LIMA1: variants seen among roughly 807,000 people sequenced by gnomAD.
LIMA1 encodes LIM domain and actin binding 1, also known as LIM domain and actin-binding protein 1.
A neutral mutation model predicts 62.6 loss-of-function variants in LIMA1; 52 were observed. That is an observed-to-expected ratio of 0.83 (90% CI 0.67 to 1.05). The LOEUF (loss-of-function observed/expected upper bound fraction) is 1.05, where lower values mean the gene tolerates loss of function less well. LIMA1 is among the 50% of genes least tolerant of loss of function. The probability of loss-of-function intolerance (pLI) is 0.00; values close to 1 mark genes in which losing one functional copy is unlikely to be tolerated. For missense variants in LIMA1, 780 were observed against 902.2 expected (o/e 0.86, Z 1.74); for synonymous variants, 302 against 317.8 (o/e 0.95, Z 0.53).
intron 10 of LIMA1, among the ~76,000 whole-genome samples, chr12:50,178,607 T>C (rs1940410651): frequency 6.6e-6 from 1 of 151,748 alleles, no homozygotes; most frequent in South Asian, 2.1e-4. Flanking sequence ...GGAATGTGGC[T>C]ATGCAACCTG....
At position 50,181,945 on chromosome 12, in the gene LIMA1, G is replaced by A; in HGVS notation, c.1233C>T (p.His411=). 1 of 1,614,012 alleles carries A rather than the reference G, an allele frequency of 6.2e-7. No homozygotes were observed. The highest frequency in any genetic ancestry group is 8.5e-7 in the Non-Finnish European group (1 of 1,180,034). The change falls in exon 10 of 11, where the codon CAC becomes CAT. Residue 411 remains histidine (H), a synonymous_variant. Transcript: ENST00000341247. ...AATAGGAGCAACGGAAGCAGCTGAT[G>A]TGAAACACCTGCTGGTTGGCCAAGA... ...ERLLANQQVF[H]ISCFRCSYCN...
At chr12:50,274,267 C>A (rs185453562) in intron 1 of LIMA1, among the ~76,000 whole-genome samples, 57 of 152,028 alleles carry the variant, frequency 3.7e-4, no homozygotes, top group Admixed American at 1.7e-3. Context: ...GGCAGTATTC[C>A]AAGTGCTGAA....
intron 1 of LIMA1, among the ~76,000 whole-genome samples, chr12:50,270,099 T>C (rs1440598633): frequency 6.7e-6 from 1 of 150,336 alleles, no homozygotes; most frequent in Non-Finnish European, 1.5e-5. Flanking sequence ...CCAGGTGTGG[T>C]AGCACGTGCC....
intron 5 of LIMA1, 137 bp downstream of exon 5, chr12:50,205,847 T>C (rs1405436771): frequency 4.7e-6 from 2 of 421,126 alleles, no homozygotes; most frequent in Non-Finnish European, 8.4e-6. Context: ...GATTTGAGAA[T>C]GGCTTGCATC....
At position 50,182,097 on chromosome 12, in the gene LIMA1, A is replaced by G. The variant is rs1940517718; in HGVS notation, c.1141-60T>C. On this transcript the variant is annotated intron_variant, in intron 9 of 10. Transcript: ENST00000341247. ...AGCGATGAGTTAGCACTGTCTTGAGATGGACCCTAGAATTTACTTTGTCTA... is the reference window on the plus strand; with the variant it reads ...AGCGATGAGTTAGCACTGTCTTGAGGTGGACCCTAGAATTTACTTTGTCTA... The G allele has an allele frequency of 2.5e-6, 4 of 1,590,450 alleles. No individual in the cohort carries two copies. The Admixed American group carries it at 6.8e-5, about 27-fold the overall frequency.
At chr12:50,191,227 C>A (rs1030705024) in intron 9 of LIMA1, 1 of 150,608 alleles carries the variant, frequency 6.6e-6, no homozygotes, top group Non-Finnish European at 1.5e-5. Flanking sequence ...TTTAGTTGAA[C>A]AGATTTTTCC....
At position 50,222,103 on chromosome 12, in the gene LIMA1, G is replaced by A. The variant is rs746340687; in HGVS notation, c.548C>T (p.Ala183Val). 6.2e-6 allele frequency: 10 copies of A among 1,614,050 alleles called. No individual in the cohort carries two copies. The highest frequency in any genetic ancestry group is 5.9e-6 in the Non-Finnish European group (7 of 1,180,036). Residue 183 changes from alanine (A) to valine (V), a missense_variant, in exon 4 of 11, where the codon GCT becomes GTT. Ala to Val is a moderately conservative substitution (Grantham distance 64). Coordinates refer to ENST00000341247, the MANE Select transcript of LIMA1 (RefSeq NM_016357.5). ...ATTATATTTCTCTATTTTGCCCGAAGCATCTGTGTTTTCACTGATTTCTGA... is the reference window on the plus strand; with the variant it reads ...ATTATATTTCTCTATTTTGCCCGAAACATCTGTGTTTTCACTGATTTCTGA... ...EKSEISENTD[A>V]SGKIEKYNVP...
At chr12:50,192,798 G>A (rs1940807472) in intron 8 of LIMA1, among the ~76,000 whole-genome samples, 4 of 152,264 alleles carry the variant, frequency 2.6e-5, no homozygotes, top group Middle Eastern at 3.4e-3. Context: ...TCTGCCACAC[G>A]TAGCAGAAAT....
At position 50,234,535 on chromosome 12, in the gene LIMA1, C is replaced by T. The variant is rs1388986764; in HGVS notation, c.120-2825G>A. On this transcript the variant is annotated intron_variant, in intron 2 of 10. Transcript: ENST00000341247. ...TAGAACAACCTTAACCTGGCTTCCT[C>T]CAGACCTCTGAGTCATGCATTGAAG... is the stretch of plus-strand genomic sequence containing the variant. Among the ~76,000 whole-genome samples the T allele has an allele frequency of 2.0e-5, 3 of 151,854 alleles. No homozygotes were observed. In the East Asian group the frequency reaches 5.8e-4, roughly 30 times the overall value.
intron 4 of LIMA1, among the ~76,000 whole-genome samples, chr12:50,210,244 G>A (rs147289638): frequency 0.021 from 3,187 of 151,856 alleles, 110 homozygotes; most frequent in African/African-American, 0.073. Context: ...CCCACATGGC[G>A]AAACCCCATC....
intron 1 of LIMA1, among the ~76,000 whole-genome samples, chr12:50,252,219 A>G (rs1941939551): frequency 6.6e-6 from 1 of 152,158 alleles, no homozygotes; most frequent in African/African-American, 2.4e-5. Flanking sequence ...CAGGAGGAGG[A>G]AGGAGGAGAA....
intron 3 of LIMA1, among the ~76,000 whole-genome samples, chr12:50,229,435 C>T (rs1457702304): frequency 6.6e-6 from 1 of 152,054 alleles, no homozygotes; most frequent in East Asian, 1.9e-4. Context: ...AGCAAACTAT[C>T]GCAAGGACAA....
At chr12:50,182,131 C>G in intron 9 of LIMA1, 94 bp from the exon 10 acceptor site, 1 of 1,390,300 alleles carries the variant, frequency 7.2e-7, no homozygotes. Flanking sequence ...TAAGGGCTCC[C>G]TTAGCTGGTC....
At chr12:50,272,943 G>A (rs1055876757) in intron 1 of LIMA1, among the ~76,000 whole-genome samples, 9 of 151,328 alleles carry the variant, frequency 5.9e-5, no homozygotes, top group African/African-American at 1.5e-4. Flanking sequence ...CCAGCTACTC[G>A]GGAGGCTAAG....
rs1298843077 is a variant in LIMA1, at chr12:50,261,705, T to C, written c.-23-12931A>G. 2.0e-5 allele frequency among the ~76,000 whole-genome samples: 3 copies of C among 152,210 alleles called. No individual in the cohort carries two copies. The East Asian group carries it at 5.8e-4, about 29-fold the overall frequency. On this transcript the variant is annotated intron_variant, in intron 1 of 10. Coordinates refer to ENST00000341247, the MANE Select transcript of LIMA1 (RefSeq NM_016357.5). ...TTTCTGAGACAAGGTCTCACTCTTA[T>C]CTCCCAGGCTGGAACGCAGTGGTGT...
chr12:50,252,579 C>CAAAAAAA (rs397936373), intron 1 of LIMA1, among the ~76,000 whole-genome samples: 4 of 58,968 alleles, frequency 6.8e-5, no homozygotes, highest in African/African-American at 1.3e-4. Context: ...GAAACTGTCT[C>CAAAAAAA]AAAAAAAAAA....
intron 2 of LIMA1, among the ~76,000 whole-genome samples, chr12:50,232,373 CT>C (rs112911088): frequency 2.1e-3 from 291 of 136,928 alleles, no homozygotes; most frequent in Middle Eastern, 4.0e-3. Flanking sequence ...TTTCTTTTTT[CT>C]TTTTTTTTTT....
intron 9 of LIMA1, among the ~76,000 whole-genome samples, chr12:50,191,952 T>C (rs772378061): frequency 2.0e-5 from 3 of 151,636 alleles, no homozygotes; most frequent in African/African-American, 7.3e-5. Context: ...GCCAACATGG[T>C]GAAACCCTGT....
intron 8 of LIMA1, among the ~76,000 whole-genome samples, chr12:50,193,650 G>GTGTGTGTA (rs1347784875): frequency 1.9e-4 from 12 of 64,314 alleles, no homozygotes; most frequent in African/African-American, 6.9e-4. Flanking sequence ...GTGTGTGTGT[G>GTGTGTGTA]TATATATATA....
Sources: allele counts gnomAD v4.1 joint callset (sites outside exome capture counted in the v4.1 genomes callset), GRCh38; gene constraint gnomAD v4.1.1; transcripts MANE v1.5; gene names NCBI Gene and HGNC (gene_info 2026-07-23, HGNC 2026-07-21).